FHIT: variants seen among roughly 807,000 people sequenced by gnomAD.
The protein encoded by FHIT is bis(5'-adenosyl)-triphosphatase.
A neutral mutation model predicts 17.9 loss-of-function variants in FHIT; 19 were observed. The observed-to-expected ratio is 1.06, with a 90% confidence interval of 0.74 to 1.56. The LOEUF (loss-of-function observed/expected upper bound fraction) is 1.56. Ranked by LOEUF, FHIT falls within the 40% of genes most tolerant of loss-of-function variation. The pLI is 0.00. For synonymous variants in FHIT, 81 were observed against 69.7 expected (o/e 1.16, Z -0.81); for missense variants, 248 against 189.2 (o/e 1.31, Z -1.82).
intron 8 of FHIT, among the ~76,000 whole-genome samples, chr3:59,805,428 G>A (rs1700158464): frequency 6.6e-6 from 1 of 152,228 alleles, no homozygotes; most frequent in African/African-American, 2.4e-5. Context: ...CTGACTGTTC[G>A]CTCCCTGTTT....
intron 5 of FHIT, among the ~76,000 whole-genome samples, chr3:60,250,707 C>G (rs1208036663): frequency 6.6e-6 from 1 of 152,100 alleles, no homozygotes; most frequent in African/African-American, 2.4e-5. Flanking sequence ...ATTTTTATGA[C>G]AATTTTCTTC....
chr3:61,083,020 C>T (rs2035190736), intron 2 of FHIT, among the ~76,000 whole-genome samples: 2 of 152,104 alleles, frequency 1.3e-5, no homozygotes, highest in African/African-American at 4.8e-5. Context: ...AATACTAGTC[C>T]TTTGCCAGAG....
At chr3:61,120,933 G>C (rs2106921512) in intron 2 of FHIT, among the ~76,000 whole-genome samples, 1 of 151,886 alleles carries the variant, frequency 6.6e-6, no homozygotes, top group South Asian at 2.1e-4. Context: ...CACAGCATGA[G>C]AACTTCGTAA....
chr3:60,707,302 A>G (rs1201962840), intron 4 of FHIT, among the ~76,000 whole-genome samples: 1 of 152,202 alleles, frequency 6.6e-6, no homozygotes, highest in Non-Finnish European at 1.5e-5. Flanking sequence ...CTATAACTTT[A>G]TAATGGCAAA....
chr3:60,374,071 C>T lies in FHIT; in HGVS notation c.103+162789G>A, dbSNP rs1386040918. Among the ~76,000 whole-genome samples, 5 of 152,082 alleles carry T rather than the reference C, an allele frequency of 3.3e-5. No homozygotes were observed. The East Asian group carries it at 9.6e-4, about 29-fold the overall frequency. On this transcript the variant is annotated intron_variant, in intron 5 of 9. Coordinates refer to ENST00000492590, the MANE Select transcript of FHIT (RefSeq NM_002012.4). ...GAAATTTACATGACACTGGAATATC[C>T]TCATTTCTCTGAATTATTTTTCTTA...
intron 4 of FHIT, among the ~76,000 whole-genome samples, chr3:60,669,623 G>A (rs782247188): frequency 9.2e-5 from 14 of 152,128 alleles, no homozygotes; most frequent in Non-Finnish European, 1.3e-4. Flanking sequence ...AATGAAAGAT[G>A]AGCATAAAAC....
rs529693527 is a variant in FHIT, at chr3:60,360,238, AT to A, written c.103+176621del. The stretch of plus-strand genomic sequence containing the variant: ...GGCTGAGTATGGGTGGGGCAAGAAA[AT>A]TTTTTTTTTTGAGATGGAGTCTCAC... On this transcript the variant is annotated intron_variant, in intron 5 of 9. Coordinates refer to ENST00000492590, the MANE Select transcript of FHIT (RefSeq NM_002012.4). 3.5e-3 allele frequency among the ~76,000 whole-genome samples: 516 copies of A among 148,806 alleles called. 3 individuals are homozygous for A. The highest frequency in any genetic ancestry group is 4.1e-3 in the Non-Finnish European group (271 of 66,888).
At chr3:60,025,028 C>G (rs1700688715) in intron 5 of FHIT, among the ~76,000 whole-genome samples, 1 of 152,074 alleles carries the variant, frequency 6.6e-6, no homozygotes, top group Non-Finnish European at 1.5e-5. Flanking sequence ...GTAGGAGCAA[C>G]AAGACTTAAC....
intron 4 of FHIT, among the ~76,000 whole-genome samples, chr3:60,609,817 A>G (rs1210927952): frequency 5.9e-5 from 9 of 152,118 alleles, no homozygotes; most frequent in Non-Finnish European, 8.8e-5. Flanking sequence ...TCTTCCTTCT[A>G]TCAATCCGGA....
At chr3:60,374,430 A>T (rs572977741) in intron 5 of FHIT, among the ~76,000 whole-genome samples, 4 of 151,976 alleles carry the variant, frequency 2.6e-5, no homozygotes, top group African/African-American at 9.7e-5. Flanking sequence ...CTGCATCATT[A>T]AACAGGACTA....
At chr3:61,071,864 T>A (rs2034819329) in intron 2 of FHIT, among the ~76,000 whole-genome samples, 2 of 152,224 alleles carry the variant, frequency 1.3e-5, no homozygotes, top group Admixed American at 6.5e-5. Flanking sequence ...ATTCTTTGCC[T>A]TATGTTATCC....
At chr3:59,814,288 C>A (rs1375820682) in intron 8 of FHIT, among the ~76,000 whole-genome samples, 1 of 152,156 alleles carries the variant, frequency 6.6e-6, no homozygotes, top group Non-Finnish European at 1.5e-5. Context: ...TTCAAAATAT[C>A]TGGAAGAAAT....
Position 60,458,232 on chromosome 3 carries a change from A to C in FHIT, c.103+78628T>G, listed in dbSNP as rs557367839. ...GATTAAGAAAATGTGGCACATATAC[A>C]CCATGGAATACTATGCAGCCATAAA... On this transcript the variant is annotated intron_variant, in intron 5 of 9. Transcript: ENST00000492590. 7.8e-3 allele frequency among the ~76,000 whole-genome samples: 1,186 copies of C among 152,238 alleles called. 19 individuals are homozygous for C. Among genetic ancestry groups the C allele is most frequent in the African/African-American group, 0.027 (1,117 of 41,538 alleles).
At chr3:61,249,346 T>G (rs1233048106) in intron 1 of FHIT, among the ~76,000 whole-genome samples, 3 of 152,254 alleles carry the variant, frequency 2.0e-5, no homozygotes, top group African/African-American at 7.2e-5. Context: ...CATATATATA[T>G]GGAATCTTTA....
At chr3:60,013,828 G>A (rs553436688) in intron 6 of FHIT, among the ~76,000 whole-genome samples, 179 bp downstream of exon 6, 5 of 152,198 alleles carry the variant, frequency 3.3e-5, no homozygotes, top group South Asian at 2.1e-4. Flanking sequence ...ACTATCCCAC[G>A]GTCCATCTTG....
chr3:60,324,000 C>A (rs539922740), intron 5 of FHIT, among the ~76,000 whole-genome samples: 1 of 152,026 alleles, frequency 6.6e-6, no homozygotes, highest in Non-Finnish European at 1.5e-5. Context: ...TTTTTTTAAC[C>A]CTGCTTTGAG....
At chr3:61,066,310 ATCT>A (rs1433053359) in intron 2 of FHIT, among the ~76,000 whole-genome samples, 1 of 152,120 alleles carries the variant, frequency 6.6e-6, no homozygotes, top group Non-Finnish European at 1.5e-5. Flanking sequence ...CACAGCATTC[ATCT>A]TCTTAACATA....
At chr3:61,250,867 T>C (rs868865309) in intron 1 of FHIT, among the ~76,000 whole-genome samples, 1 of 152,344 alleles carries the variant, frequency 6.6e-6, no homozygotes. Flanking sequence ...GCTCCTGTCC[T>C]GGGCACGTGT....
At chr3:60,288,140 T>A (rs1707815859) in intron 5 of FHIT, among the ~76,000 whole-genome samples, 1 of 152,190 alleles carries the variant, frequency 6.6e-6, no homozygotes, top group South Asian at 2.1e-4. Context: ...TGGCGCTGGC[T>A]GTTGGAAAGA....
Sources: gnomAD v4.1 joint callset for allele counts (sites outside exome capture counted in the v4.1 genomes callset) on GRCh38, gnomAD v4.1.1 for gene constraint, MANE v1.5 for transcripts, NCBI Gene and HGNC (gene_info 2026-07-23, HGNC 2026-07-21) for gene names.